Variants in GALNT16 observed in about 807,000 individuals in gnomAD.
The protein encoded by GALNT16 is polypeptide N-acetylgalactosaminyltransferase 16, also known as UDP-GalNAc:polypeptide N-acetylgalactosaminyltransferase-like protein 1.
GALNT16 carries 40 observed loss-of-function variants against 76.1 expected under a neutral mutation model. That is an observed-to-expected ratio of 0.53 (90% CI 0.41 to 0.68). The LOEUF is 0.68. Among genes scored for constraint, GALNT16 ranks in the 30% least tolerant of loss-of-function variants. GALNT16 has a pLI of 0.00. For missense variants in GALNT16, 621 were observed against 731.9 expected (o/e 0.85, Z 1.75); for synonymous variants, 276 against 285.2 (o/e 0.97, Z 0.32).
chr14:69,377,677 G>T, the GALNT16 span, among the ~76,000 whole-genome samples: 1 of 151,488 alleles, frequency 6.6e-6, no homozygotes, highest in Non-Finnish European at 1.5e-5. Flanking sequence ...TGGCCATGGT[G>T]GTGTGCACCT....
At chr14:69,385,319 C>T in the GALNT16 span, among the ~76,000 whole-genome samples, 1 of 152,034 alleles carries the variant, frequency 6.6e-6, no homozygotes, top group Admixed American at 6.6e-5. Flanking sequence ...ATTGCAGTTC[C>T]CTAATTCTTT....
chr14:69,371,869 G>A, the GALNT16 span, among the ~76,000 whole-genome samples: 20 of 151,962 alleles, frequency 1.3e-4, no homozygotes, highest in Admixed American at 7.2e-4. Flanking sequence ...GCTTGAAGCC[G>A]GGAGGTGGAG....
chr14:69,290,186 C>T (rs1044145286), intron 1 of GALNT16, among the ~76,000 whole-genome samples: 6 of 152,242 alleles, frequency 3.9e-5, no homozygotes, highest in Non-Finnish European at 8.8e-5. Flanking sequence ...TCTTTCTCAC[C>T]GGAACTGCTA....
At chr14:69,295,775 A>AT (rs758630911) in intron 1 of GALNT16, among the ~76,000 whole-genome samples, 16 of 142,396 alleles carry the variant, frequency 1.1e-4, no homozygotes, top group Non-Finnish European at 2.4e-4. Flanking sequence ...CATCGAAACC[A>AT]CTCACAATAT....
chr14:69,274,488 A>G (rs1275310433), intron 1 of GALNT16, among the ~76,000 whole-genome samples: 1 of 152,132 alleles, frequency 6.6e-6, no homozygotes, highest in Non-Finnish European at 1.5e-5. Context: ...AAAGGACTGA[A>G]GGTGTTTCTC....
chr14:69,262,569 C>G (rs2044290433), intron 1 of GALNT16, among the ~76,000 whole-genome samples: 1 of 152,158 alleles, frequency 6.6e-6, no homozygotes, highest in Non-Finnish European at 1.5e-5. Context: ...AGGGAGATAC[C>G]TGGGAGCTGG....
chr14:69,330,051 A>T (rs752319307), intron 6 of GALNT16, among the ~76,000 whole-genome samples: 6 of 152,360 alleles, frequency 3.9e-5, no homozygotes, highest in Non-Finnish European at 8.8e-5. Flanking sequence ...TTTGAACATA[A>T]GTTAGTTAGC....
the GALNT16 span, among the ~76,000 whole-genome samples, chr14:69,363,937 G>A: frequency 1.3e-5 from 2 of 152,292 alleles, no homozygotes; most frequent in African/African-American, 4.8e-5. Context: ...CCTAGCCACT[G>A]GGTGACTGGC....
intron 12 of GALNT16, among the ~76,000 whole-genome samples, chr14:69,345,961 C>T (rs1385595210): frequency 1.3e-5 from 2 of 152,056 alleles, no homozygotes; most frequent in Admixed American, 6.6e-5. Context: ...CATTATGGCT[C>T]ACTGCAGCCT....
chr14:69,284,416 T>C (rs112736687), intron 1 of GALNT16, among the ~76,000 whole-genome samples: 3 of 152,316 alleles, frequency 2.0e-5, no homozygotes, highest in African/African-American at 7.2e-5. Context: ...TCACCCCGTG[T>C]GGCGTGTGCA....
intron 1 of GALNT16, among the ~76,000 whole-genome samples, chr14:69,280,706 T>C (rs1445339422): frequency 3.3e-5 from 5 of 152,282 alleles, no homozygotes; most frequent in Non-Finnish European, 7.4e-5. Flanking sequence ...TGAACATTGT[T>C]GCCTGGATGA....
the GALNT16 span, among the ~76,000 whole-genome samples, chr14:69,376,374 A>G: frequency 6.6e-6 from 1 of 152,094 alleles, no homozygotes. Flanking sequence ...AGCTCTGAGA[A>G]TTGTTCTTCT....
intron 1 of GALNT16, among the ~76,000 whole-genome samples, chr14:69,267,750 C>T (rs923477186): frequency 6.6e-6 from 1 of 152,058 alleles, no homozygotes; most frequent in Admixed American, 6.6e-5. Flanking sequence ...CCTCAAGGGA[C>T]TGTGTTTCCT....
chr14:69,324,928 G>A (rs1052637539), intron 3 of GALNT16, 138 bp downstream of exon 3: 8 of 585,350 alleles, frequency 1.4e-5, no homozygotes, highest in Non-Finnish European at 2.4e-5. Context: ...TGAGACTGGT[G>A]AATCAGGGCC....
intron 12 of GALNT16, among the ~76,000 whole-genome samples, chr14:69,342,474 AAGGGAGGGAGGG>A (rs571084496): frequency 2.2e-4 from 7 of 31,532 alleles, no homozygotes; most frequent in African/African-American, 5.9e-4. Context: ...AGAAGGAAGG[AAGGGAGGGAGGG>A]AGGGAGGGAG....
intron 1 of GALNT16, among the ~76,000 whole-genome samples, chr14:69,290,273 G>A (rs980383134): frequency 6.6e-6 from 1 of 152,218 alleles, no homozygotes; most frequent in African/African-American, 2.4e-5. Flanking sequence ...GGAGGCAGCT[G>A]TTGTTTTACC....
chr14:69,361,261 T>A (rs549444006), downstream of GALNT16, among the ~76,000 whole-genome samples: 1 of 152,218 alleles, frequency 6.6e-6, no homozygotes, highest in Non-Finnish European at 1.5e-5. Flanking sequence ...GTCCTGTCAG[T>A]CACTGACCAA....
rs1293298019 is a variant in GALNT16, at chr14:69,325,367, C to T, written c.465C>T (p.Ile155=). The part of the protein sequence containing the change: ...SVLNRTPANL[I]QEIILVDDFS... Reference sequence around the variant, plus strand: ...TGAACCGAACTCCTGCCAACTTGATCCAGGAGATCATTTTAGTGGATGACT... The same window carrying T: ...TGAACCGAACTCCTGCCAACTTGATTCAGGAGATCATTTTAGTGGATGACT... Residue 155 remains isoleucine (I), a synonymous_variant, in exon 4 of 15, where the codon ATC becomes ATT. Transcript: ENST00000448469. 5 of 1,603,696 alleles carry T rather than the reference C, an allele frequency of 3.1e-6. No homozygotes were observed. The highest frequency in any genetic ancestry group is 4.3e-6 in the Non-Finnish European group (5 of 1,170,602).
At chr14:69,271,132 C>T (rs1221239913) in intron 1 of GALNT16, among the ~76,000 whole-genome samples, 1 of 152,196 alleles carries the variant, frequency 6.6e-6, no homozygotes, top group Non-Finnish European at 1.5e-5. Context: ...CCCAAAACAA[C>T]AACGGGACAT....
Sources: allele counts gnomAD v4.1 joint callset (sites outside exome capture counted in the v4.1 genomes callset), GRCh38; gene constraint gnomAD v4.1.1; transcripts MANE v1.5; gene names NCBI Gene and HGNC (gene_info 2026-07-23, HGNC 2026-07-21).